AUTS2: variants seen among roughly 807,000 people sequenced by gnomAD.
The protein encoded by AUTS2 is autism susceptibility gene 2 protein.
A neutral mutation model predicts 112.4 loss-of-function variants in AUTS2; 17 were observed. That is an observed-to-expected ratio of 0.15 (90% CI 0.10 to 0.23). The LOEUF is 0.23. Ranked by LOEUF, AUTS2 falls within the 10% of genes least tolerant of loss-of-function variation. The pLI, the probability that AUTS2 is intolerant of heterozygous loss-of-function variation, is 1.00. For missense variants in AUTS2, 1,510 were observed against 1,701.6 expected (o/e 0.89, Z 1.98); for synonymous variants, 751 against 702.7 (o/e 1.07, Z -1.09).
intron 4 of AUTS2, among the ~76,000 whole-genome samples, chr7:70,189,344 T>C (rs553122659): frequency 3.9e-5 from 6 of 152,338 alleles, no homozygotes; most frequent in Admixed American, 2.0e-4. Context: ...AACTCCCTAC[T>C]GTGGCATTGA....
At position 70,754,781 on chromosome 7, in the gene AUTS2, TA is replaced by T. The variant is rs1418638155; in HGVS notation, c.743-8088del. ...CTCTTTCTAAGTCATAAGGATTAGATATTCAAAAAGATACGGATGAATGGAT... is the reference window on the plus strand; with the variant it reads ...CTCTTTCTAAGTCATAAGGATTAGATTTCAAAAAGATACGGATGAATGGAT... On this transcript the variant is annotated intron_variant, in intron 6 of 18. Transcript: ENST00000342771. Among the ~76,000 whole-genome samples, 7 of 152,046 alleles carry T rather than the reference TA, an allele frequency of 4.6e-5. No homozygotes were observed. In the East Asian group the frequency reaches 1.3e-3, roughly 29 times the overall value.
At chr7:70,016,794 A>G (rs1026255653) in intron 2 of AUTS2, among the ~76,000 whole-genome samples, 2 of 151,436 alleles carry the variant, frequency 1.3e-5, no homozygotes, top group Admixed American at 1.3e-4. Context: ...CAGCCTCCCT[A>G]GTAGCTGGGA....
At chr7:69,968,815 AAGTT>A (rs1002569300) in intron 2 of AUTS2, among the ~76,000 whole-genome samples, 7 of 152,140 alleles carry the variant, frequency 4.6e-5, no homozygotes, top group South Asian at 2.1e-4. Flanking sequence ...TTTAAAAAAA[AAGTT>A]AGAACATTTT....
At chr7:69,875,071 C>A (rs1030193729) in intron 1 of AUTS2, among the ~76,000 whole-genome samples, 1 of 151,628 alleles carries the variant, frequency 6.6e-6, no homozygotes, top group Non-Finnish European at 1.5e-5. Context: ...CACTGAATTC[C>A]TCTGTGGATC....
chr7:70,663,721 G>T (rs540330846), intron 5 of AUTS2, among the ~76,000 whole-genome samples: 1 of 152,198 alleles, frequency 6.6e-6, no homozygotes, highest in South Asian at 2.1e-4. Context: ...GCCCGGAAAT[G>T]GAGTCCTTCA....
At chr7:70,561,703 A>G (rs755817880) in intron 5 of AUTS2, among the ~76,000 whole-genome samples, 1 of 152,050 alleles carries the variant, frequency 6.6e-6, no homozygotes, top group Non-Finnish European at 1.5e-5. Context: ...GTATCTCCAC[A>G]CCATATACCC....
At chr7:70,074,841 T>A (rs1260402999) in intron 2 of AUTS2, among the ~76,000 whole-genome samples, 1 of 152,198 alleles carries the variant, frequency 6.6e-6, no homozygotes, top group Non-Finnish European at 1.5e-5. Flanking sequence ...ATGCATACTA[T>A]CCTGTATGTT....
intron 5 of AUTS2, among the ~76,000 whole-genome samples, chr7:70,490,694 G>A (rs1798196752): frequency 6.6e-6 from 1 of 152,172 alleles, no homozygotes; most frequent in African/African-American, 2.4e-5. Flanking sequence ...GCATTGGCCA[G>A]TAAGTCAATC....
At chr7:70,287,935 G>A (rs1372672885) in intron 4 of AUTS2, among the ~76,000 whole-genome samples, 4 of 152,052 alleles carry the variant, frequency 2.6e-5, no homozygotes, top group African/African-American at 9.7e-5. Context: ...ATTCCCAGTG[G>A]TGTTTTGATC....
chr7:70,561,367 C>T (rs1388942356), intron 5 of AUTS2, among the ~76,000 whole-genome samples: 2 of 152,218 alleles, frequency 1.3e-5, no homozygotes, highest in African/African-American at 4.8e-5. Context: ...GGGACTCACA[C>T]TTGTAATCCC....
intron 2 of AUTS2, among the ~76,000 whole-genome samples, chr7:69,944,501 A>G (rs1306224352): frequency 1.3e-5 from 2 of 152,224 alleles, no homozygotes; most frequent in East Asian, 3.9e-4. Flanking sequence ...TATTGCATTG[A>G]TTTTTGGAAA....
chr7:69,899,526 T>C (rs1794889371), intron 2 of AUTS2, 28 bp downstream of exon 2: 1 of 1,608,190 alleles, frequency 6.2e-7, no homozygotes. Flanking sequence ...CGCTCTTTCC[T>C]GTGGCGGCAA....
chr7:70,665,230 A>G (rs1333236529), intron 5 of AUTS2, among the ~76,000 whole-genome samples: 1 of 152,100 alleles, frequency 6.6e-6, no homozygotes, highest in Non-Finnish European at 1.5e-5. Context: ...ACATTGTCTT[A>G]TAGGAGGTTC....
chr7:69,649,163 A>G lies in AUTS2; in HGVS notation c.309+49201A>G, dbSNP rs543421048. 5.9e-5 allele frequency among the ~76,000 whole-genome samples: 9 copies of G among 152,260 alleles called. No individual in the cohort carries two copies. The South Asian group carries it at 1.5e-3, about 25-fold the overall frequency. ...TTAGAAAATCAGCCAGTTTTTCACT[A>G]CACTTTGTCTCGGACCTGTAGATAC... On this transcript the variant is annotated intron_variant, in intron 1 of 18. Transcript: ENST00000342771.
intron 4 of AUTS2, among the ~76,000 whole-genome samples, chr7:70,149,673 C>T (rs1177139358): frequency 2.0e-5 from 3 of 151,962 alleles, no homozygotes; most frequent in Admixed American, 1.3e-4. Context: ...AAAAGCAAAA[C>T]GATGAAATTT....
At chr7:69,617,350 C>A (rs1548748) in intron 1 of AUTS2, among the ~76,000 whole-genome samples, 2 of 152,050 alleles carry the variant, frequency 1.3e-5, no homozygotes, top group Admixed American at 1.3e-4. Flanking sequence ...AGATAAGGCT[C>A]CTCTGAGGAG....
At chr7:69,640,283 G>A (rs181922965) in intron 1 of AUTS2, among the ~76,000 whole-genome samples, 42 of 152,298 alleles carry the variant, frequency 2.8e-4, no homozygotes, top group Admixed American at 2.4e-3. Context: ...CTAGCTTCAG[G>A]GAGACAGAAA....
rs1407789656 is a variant in AUTS2 at position 70,784,952 on chromosome 7, C to T, written c.2157C>T (p.His719=). ...STLFSAAGAA[H]PTGTPFGPPP... is the part of the protein sequence containing the mutation. ...TGTTTGACTTAACAGGTGCTGCACA[C>T]CCAACTGGGACCCCTTTTGGGCCAC... Residue 719 remains histidine (H), a synonymous_variant, in exon 16 of 19, where the codon CAC becomes CAT. Coordinates refer to ENST00000342771, the MANE Select transcript of AUTS2 (RefSeq NM_015570.4). The T allele has an allele frequency of 2.5e-6, 4 of 1,613,996 alleles. No homozygotes were observed. The highest frequency in any genetic ancestry group is 3.4e-6 in the Non-Finnish European group (4 of 1,180,032).
chr7:70,270,889 G>A (rs528262215), intron 4 of AUTS2, among the ~76,000 whole-genome samples: 23 of 152,188 alleles, frequency 1.5e-4, no homozygotes, highest in African/African-American at 5.5e-4. Flanking sequence ...AAAAGAGATG[G>A]GAGCAAAGCT....
Sources: allele counts gnomAD v4.1 joint callset (sites outside exome capture counted in the v4.1 genomes callset), GRCh38; gene constraint gnomAD v4.1.1; transcripts MANE v1.5; gene names NCBI Gene and HGNC (gene_info 2026-07-23, HGNC 2026-07-21).